The following ROBO2 variants were observed in gnomAD, a reference collection of about 807,000 sequenced individuals.
The protein encoded by ROBO2 is roundabout guidance receptor 2.
ROBO2 carries 53 observed loss-of-function variants against 160.8 expected under a neutral mutation model. That is an observed-to-expected ratio of 0.33 (90% CI 0.26 to 0.41). The LOEUF (loss-of-function observed/expected upper bound fraction) is 0.41. ROBO2 is among the 10% of genes least tolerant of loss of function. ROBO2 has a pLI of 1.00. For missense variants in ROBO2, 1,577 were observed against 1,722.4 expected, an observed-to-expected ratio of 0.92 and a Z score of 1.49; for synonymous variants, 664 against 611.7, an observed-to-expected ratio of 1.09 and a Z score of -1.26.
At chr3:76,326,925 C>G (rs1289614804) in intron 2 of ROBO2, among the ~76,000 whole-genome samples, 1 of 151,812 alleles carries the variant, frequency 6.6e-6, no homozygotes, top group African/African-American at 2.4e-5. Flanking sequence ...CAATTTCATC[C>G]AAAAATGTGG....
intron 2 of ROBO2, among the ~76,000 whole-genome samples, chr3:77,423,785 C>T (rs984989388): frequency 2.6e-5 from 4 of 152,166 alleles, no homozygotes; most frequent in Non-Finnish European, 4.4e-5. Flanking sequence ...CCCCTAACTC[C>T]ACCCTGGTGC....
At chr3:76,574,502 C>G (rs2085162182) in intron 2 of ROBO2, among the ~76,000 whole-genome samples, 1 of 151,990 alleles carries the variant, frequency 6.6e-6, no homozygotes, top group Admixed American at 6.6e-5. Context: ...AGTTTTAGAA[C>G]AATATAAAGA....
intron 2 of ROBO2, among the ~76,000 whole-genome samples, chr3:77,272,290 G>A (rs114520996): frequency 2.0e-5 from 3 of 152,150 alleles, no homozygotes; most frequent in Admixed American, 2.0e-4. Context: ...AGGTTTAACT[G>A]TCTCACAGTT....
intron 2 of ROBO2, among the ~76,000 whole-genome samples, chr3:77,396,985 TGTTAAAATTTTCA>T (rs1197425483): frequency 2.0e-5 from 3 of 152,104 alleles, no homozygotes; most frequent in Non-Finnish European, 2.9e-5. Context: ...TATAAATATA[TGTTAAAATTTTCA>T]GATTACAAAT....
chr3:76,945,124 G>T (rs997545755), intron 2 of ROBO2, among the ~76,000 whole-genome samples: 16 of 152,036 alleles, frequency 1.1e-4, no homozygotes, highest in Middle Eastern at 3.2e-3. Context: ...TCCTGACCTC[G>T]TGATCCGCCC....
At chr3:76,009,701 G>A (rs1244407017) in intron 2 of ROBO2, among the ~76,000 whole-genome samples, 1 of 152,094 alleles carries the variant, frequency 6.6e-6, no homozygotes, top group Non-Finnish European at 1.5e-5. Flanking sequence ...TGCATATATA[G>A]TTTTAGTTTA....
At chr3:77,192,128 A>G (rs1337290986) in intron 2 of ROBO2, among the ~76,000 whole-genome samples, 5 of 152,188 alleles carry the variant, frequency 3.3e-5, no homozygotes, top group African/African-American at 4.8e-5. Context: ...GAGACAAGGT[A>G]TGTCATTTTA....
At chr3:77,549,834 A>ATTTTTTTAATTT (rs1349878987) in intron 7 of ROBO2, among the ~76,000 whole-genome samples, 1 of 152,022 alleles carries the variant, frequency 6.6e-6, no homozygotes, top group Admixed American at 6.6e-5. Flanking sequence ...ACGTATTGAA[A>ATTTTTTTAATTT]CTGTTTAATT....
intron 23 of ROBO2, chr3:77,630,788 T>A (rs1379483966): frequency 6.6e-6 from 1 of 151,828 alleles, no homozygotes; most frequent in Non-Finnish European, 1.5e-5. Context: ...ATTAAAGAGA[T>A]GCTTATTTGG....
chr3:76,759,979 ATTGAACCAGATTGTCTCTTAAGTT>A (rs2061211366), intron 2 of ROBO2, among the ~76,000 whole-genome samples: 1 of 151,702 alleles, frequency 6.6e-6, no homozygotes, highest in Non-Finnish European at 1.5e-5. Context: ...CATCCATAAC[ATTGAACCAGATTGTCTCTTAAGTT>A]CGTTCCAACT....
At chr3:77,303,063 G>T in intron 2 of ROBO2, among the ~76,000 whole-genome samples, 1 of 152,152 alleles carries the variant, frequency 6.6e-6, no homozygotes, top group East Asian at 1.9e-4. Flanking sequence ...TTCCATAGAC[G>T]GATTTCATGG....
chr3:76,150,105 T>C (rs200028312), intron 2 of ROBO2, among the ~76,000 whole-genome samples: 34 of 1,776 alleles, frequency 0.019, 3 homozygotes, highest in Middle Eastern at 0.5. Context: ...AAAGCACACA[T>C]CATCTGTCTA....
Position 76,961,270 on chromosome 3 carries a change from A to G in ROBO2, c.110-136744A>G, listed in dbSNP as rs113950060. 4.3e-3 allele frequency among the ~76,000 whole-genome samples: 643 copies of G among 147,880 alleles called. 8 individuals carry two copies. Among genetic ancestry groups the G allele is most frequent in the African/African-American group, 0.015 (594 of 39,930 alleles). On this transcript the variant is annotated intron_variant, in intron 2 of 26. Coordinates refer to the ROBO2 transcript ENST00000487694. ...GAGAAAAAAAAAAAAAAAAAAAAAC[A>G]CTAGTTTAGATTTCTTAGCACCTCA...
At chr3:76,220,402 G>T (rs1053802576) in intron 2 of ROBO2, among the ~76,000 whole-genome samples, 2 of 152,040 alleles carry the variant, frequency 1.3e-5, no homozygotes, top group Non-Finnish European at 2.9e-5. Flanking sequence ...GGTCTTTTAG[G>T]GGGTGACTAG....
intron 2 of ROBO2, among the ~76,000 whole-genome samples, chr3:76,995,276 A>C (rs2060930472): frequency 6.6e-6 from 1 of 152,182 alleles, no homozygotes; most frequent in Admixed American, 6.5e-5. Flanking sequence ...AAAGGACATT[A>C]ACTCATCCTT....
chr3:76,500,976 C>G (rs1206690950), intron 2 of ROBO2, among the ~76,000 whole-genome samples: 3 of 78,044 alleles, frequency 3.8e-5, no homozygotes, highest in Non-Finnish European at 1.2e-4. Context: ...TCTAGAAGGC[C>G]TGGCTTGACA....
At chr3:75,951,473 T>C (rs1192250854) in intron 2 of ROBO2, among the ~76,000 whole-genome samples, 1 of 152,050 alleles carries the variant, frequency 6.6e-6, no homozygotes, top group Non-Finnish European at 1.5e-5. Context: ...AAACAAGCCA[T>C]TGATTAAATT....
At chr3:76,604,973 G>A (rs910962034) in intron 2 of ROBO2, among the ~76,000 whole-genome samples, 1 of 152,126 alleles carries the variant, frequency 6.6e-6, no homozygotes, top group Non-Finnish European at 1.5e-5. Context: ...AGCAAACTAC[G>A]TCAAACTGAA....
chr3:76,711,785 C>T (rs985638965), intron 2 of ROBO2, among the ~76,000 whole-genome samples: 12 of 152,282 alleles, frequency 7.9e-5, no homozygotes, highest in African/African-American at 2.4e-4. Context: ...TTCTGCTTCA[C>T]GCTTTGACCC....
Sources: allele counts gnomAD v4.1 joint callset (sites outside exome capture counted in the v4.1 genomes callset), GRCh38; gene constraint gnomAD v4.1.1; transcripts MANE v1.5; gene names NCBI Gene and HGNC (gene_info 2026-07-23, HGNC 2026-07-21).